ATF7: variants seen among roughly 807,000 people sequenced by gnomAD.
ATF7 encodes the protein cyclic AMP-dependent transcription factor ATF-7.
In ATF7, 10 loss-of-function variants were observed where a neutral mutation model predicts 50.4. The ratio of observed to expected loss-of-function variants is 0.20; its 90% CI spans 0.12 to 0.34. ATF7 has a LOEUF of 0.34. Among genes scored for constraint, ATF7 ranks in the 10% least tolerant of loss-of-function variants. The pLI, the probability that ATF7 is intolerant of heterozygous loss-of-function variation, is 1.00. For missense variants in ATF7, 465 were observed against 613.9 expected, an observed-to-expected ratio of 0.76 and a Z score of 2.56; for synonymous variants, 201 against 226.4, an observed-to-expected ratio of 0.89 and a Z score of 1.01.
chr12:53,530,855 T>A (rs898913430), intron 9 of ATF7, among the ~76,000 whole-genome samples: 6 of 152,142 alleles, frequency 3.9e-5, no homozygotes, highest in Non-Finnish European at 7.4e-5. Flanking sequence ...AAGATCCGCC[T>A]GCCTCGGCCT....
At chr12:53,587,843 A>ATATATATATATATATATATATTTT in intron 2 of ATF7, among the ~76,000 whole-genome samples, 48 of 61,516 alleles carry the variant, frequency 7.8e-4, no homozygotes, top group South Asian at 1.5e-3. Context: ...ATATATATAT[A>ATATATATATATATATATATATTTT]TTTTTTTTTT....
At chr12:53,567,959 G>T (rs767119626) in intron 2 of ATF7, among the ~76,000 whole-genome samples, 1 of 152,060 alleles carries the variant, frequency 6.6e-6, no homozygotes, top group Non-Finnish European at 1.5e-5. Flanking sequence ...CTTGAAAAAC[G>T]TATCAAATAC....
chr12:53,586,911 C>T (rs1203427103), intron 2 of ATF7, among the ~76,000 whole-genome samples: 1 of 152,190 alleles, frequency 6.6e-6, no homozygotes, highest in Non-Finnish European at 1.5e-5. Context: ...TCATTTTGGT[C>T]AGTTACAACC....
chr12:53,608,008 A>G (rs979449837), intron 1 of ATF7, among the ~76,000 whole-genome samples: 3 of 152,094 alleles, frequency 2.0e-5, no homozygotes, highest in Non-Finnish European at 4.4e-5. Flanking sequence ...TCACGAGGTC[A>G]AGAGATCGAG....
At chr12:53,564,504 T>C (rs886698132) in intron 2 of ATF7, among the ~76,000 whole-genome samples, 2 of 152,224 alleles carry the variant, frequency 1.3e-5, no homozygotes, top group Non-Finnish European at 2.9e-5. Context: ...CTTTTGAGCA[T>C]TTTCTTTTAA....
At chr12:53,543,163 C>T in intron 4 of ATF7, 167 bp downstream of exon 4, 10 of 1,517,560 alleles carry the variant, frequency 6.6e-6, no homozygotes, top group Non-Finnish European at 8.8e-6. Context: ...CTCCTAAAGA[C>T]CTGAATGGCT....
chr12:53,529,266 C>A (rs1424655206), intron 9 of ATF7, among the ~76,000 whole-genome samples: 1 of 152,194 alleles, frequency 6.6e-6, no homozygotes. Flanking sequence ...ATGGTGCGAT[C>A]TCGGCTCACC....
chr12:53,524,489 T>C lies in ATF7; in HGVS notation c.1125+75A>G. 6.6e-7 allele frequency: 1 copy of C among 1,517,684 alleles called. No individual in the cohort carries two copies. The highest frequency in any genetic ancestry group is 9.0e-7 in the Non-Finnish European group (1 of 1,105,336). 94.0% of individuals were successfully genotyped at this position (1,517,684 alleles called of 1,614,324 possible). On this transcript the variant is annotated intron_variant, in intron 10 of 11. Transcript: ENST00000420353. The surrounding 1 kb of genome is among the most constrained non-coding windows in gnomAD (Gnocchi z 4.6). ...AGAGAATTACCATCTTCTATCAAAT[T>C]GTACCACTTTTTTCTGATTCCATCC...
intron 4 of ATF7, 129 bp from the exon 5 acceptor site, chr12:53,537,681 G>A: frequency 9.4e-7 from 1 of 1,058,694 alleles, no homozygotes; most frequent in Non-Finnish European, 1.3e-6. Context: ...GCACTGAACT[G>A]CATGTCAAAT....
At chr12:53,541,222 G>A (rs1024635811) in intron 4 of ATF7, among the ~76,000 whole-genome samples, 1 of 152,072 alleles carries the variant, frequency 6.6e-6, no homozygotes, top group African/African-American at 2.4e-5. Flanking sequence ...AGCTCCCATG[G>A]AAATTTTTTC....
chr12:53,612,711 G>A (rs1162916651), intron 1 of ATF7, among the ~76,000 whole-genome samples: 1 of 152,136 alleles, frequency 6.6e-6, no homozygotes, highest in Admixed American at 6.6e-5. Flanking sequence ...GTTAGGCTGG[G>A]CAAGGTGGCT....
chr12:53,614,621 G>T (rs1329488067), intron 1 of ATF7, among the ~76,000 whole-genome samples: 1 of 152,152 alleles, frequency 6.6e-6, no homozygotes, highest in Non-Finnish European at 1.5e-5. Context: ...ACACTTAGAA[G>T]TTCTCAGGAA....
chr12:53,528,457 G>A (rs921436032), intron 9 of ATF7, among the ~76,000 whole-genome samples: 1 of 151,730 alleles, frequency 6.6e-6, no homozygotes, highest in Admixed American at 6.6e-5. Flanking sequence ...GTGAAACCCC[G>A]TCTCTACTAA....
At chr12:53,569,503 G>T (rs780710559) in intron 2 of ATF7, among the ~76,000 whole-genome samples, 8 of 152,104 alleles carry the variant, frequency 5.3e-5, no homozygotes, top group South Asian at 2.1e-4. Context: ...ATGTTTACCA[G>T]AATTCTCAGT....
chr12:53,608,135 A>T (rs1943692888), intron 1 of ATF7, among the ~76,000 whole-genome samples: 1 of 150,788 alleles, frequency 6.6e-6, no homozygotes, highest in South Asian at 2.1e-4. Context: ...CAGAAGAATC[A>T]CTTGAACCCA....
intron 8 of ATF7, among the ~76,000 whole-genome samples, chr12:53,532,128 G>A (rs1938935258): frequency 6.6e-6 from 1 of 152,154 alleles, no homozygotes; most frequent in Non-Finnish European, 1.5e-5. Flanking sequence ...GGGGCTGGGG[G>A]TTGTTAAAGC....
intron 1 of ATF7, among the ~76,000 whole-genome samples, chr12:53,615,188 C>G (rs890754249): frequency 1.8e-4 from 27 of 151,944 alleles, no homozygotes; most frequent in African/African-American, 6.3e-4. Flanking sequence ...TTGAGACCAT[C>G]CTGGCTAATA....
intron 3 of ATF7, among the ~76,000 whole-genome samples, chr12:53,547,747 T>TTATG (rs57447677): frequency 0.048 from 7,175 of 149,158 alleles, 193 homozygotes; most frequent in African/African-American, 0.061. Context: ...TCGGCTAATT[T>TTATG]TATGTATGTA....
chr12:53,578,783 CAAAAAA>C (rs10718181), intron 2 of ATF7, among the ~76,000 whole-genome samples: 1 of 106,674 alleles, frequency 9.4e-6, no homozygotes. Flanking sequence ...GATGCTGTCT[CAAAAAA>C]AAAAAAAAAA....
Sources: gnomAD v4.1 joint callset for allele counts (sites outside exome capture counted in the v4.1 genomes callset) on GRCh38, gnomAD v4.1.1 for gene constraint, Gnocchi (gnomAD v3.1) non-coding constraint, MANE v1.5 for transcripts, NCBI Gene and HGNC (gene_info 2026-07-23, HGNC 2026-07-21) for gene names.